The following KIAA1549 variants were observed in gnomAD, a reference collection of about 807,000 sequenced individuals.
KIAA1549 encodes the protein UPF0606 protein KIAA1549.
KIAA1549 carries 70 observed loss-of-function variants against 156.4 expected under a neutral mutation model. That is an observed-to-expected ratio of 0.45 (90% CI 0.37 to 0.55). The LOEUF (loss-of-function observed/expected upper bound fraction) is 0.55. Among genes scored for constraint, KIAA1549 ranks in the 20% least tolerant of loss-of-function variants. The probability of loss-of-function intolerance (pLI) is 0.00; values close to 1 mark genes in which losing one functional copy is unlikely to be tolerated. For synonymous variants in KIAA1549, 1,103 were observed against 1,066.4 expected (o/e 1.03, Z -0.67); for missense variants, 2,428 against 2,540.9 (o/e 0.96, Z 0.96).
intron 1 of KIAA1549, among the ~76,000 whole-genome samples, chr7:138,929,761 C>G (rs538992686): frequency 6.6e-6 from 1 of 152,304 alleles, no homozygotes; most frequent in South Asian, 2.1e-4. Flanking sequence ...ACAATTATAG[C>G]TCACAGCACC....
chr7:138,857,503 T>C (rs1210564705), intron 16 of KIAA1549, among the ~76,000 whole-genome samples: 1 of 152,232 alleles, frequency 6.6e-6, no homozygotes, highest in Non-Finnish European at 1.5e-5. Context: ...TGTTTAACTT[T>C]TTAAAGAGAC....
intron 1 of KIAA1549, among the ~76,000 whole-genome samples, chr7:138,929,726 A>G (rs1340939782): frequency 3.9e-5 from 6 of 152,028 alleles, no homozygotes; most frequent in Non-Finnish European, 5.9e-5. Flanking sequence ...GCCTTGCTCT[A>G]TTTCCCAAGC....
chr7:138,906,111 G>A (rs1372571600), intron 6 of KIAA1549, among the ~76,000 whole-genome samples: 1 of 152,118 alleles, frequency 6.6e-6, no homozygotes, highest in African/African-American at 2.4e-5. Context: ...GGGTGAGCAG[G>A]GCTCTGCAGA....
Position 138,951,910 on chromosome 7 carries a change from T to G in KIAA1549, c.187+29173A>C, listed in dbSNP as rs558111558. 1.4e-4 allele frequency among the ~76,000 whole-genome samples: 21 copies of G among 152,338 alleles called. No homozygotes were observed. The East Asian group carries it at 4.0e-3, about 29-fold the overall frequency. On this transcript the variant is annotated intron_variant, in intron 1 of 19. Coordinates refer to ENST00000422774, the MANE Select transcript of KIAA1549 (RefSeq NM_001164665.2). ...AACTGCTTGGTTTTAACAAATAGTC[T>G]GGCTCCAGTGCGTTAACTAAAGAAA...
chr7:138,942,384 C>T (rs966641667), intron 1 of KIAA1549, among the ~76,000 whole-genome samples: 15 of 151,244 alleles, frequency 9.9e-5, no homozygotes, highest in African/African-American at 3.6e-4. Flanking sequence ...TGTAAAAGAG[C>T]AATACGGTGA....
intron 1 of KIAA1549, among the ~76,000 whole-genome samples, chr7:138,955,595 T>C (rs1813639879): frequency 6.6e-6 from 1 of 152,100 alleles, no homozygotes; most frequent in African/African-American, 2.4e-5. Context: ...GGCATGAAAA[T>C]GTTTACAATA....
At chr7:138,881,630 A>T (rs1406480924) in intron 10 of KIAA1549, 46 bp from the exon 11 acceptor site, 25 of 1,540,282 alleles carry the variant, frequency 1.6e-5, no homozygotes, top group Non-Finnish European at 2.2e-5. Flanking sequence ...CCGGAATCCA[A>T]GGCTGATGAG....
At chr7:138,880,572 C>G (rs1232210014) in intron 11 of KIAA1549, among the ~76,000 whole-genome samples, 1 of 151,914 alleles carries the variant, frequency 6.6e-6, no homozygotes. Flanking sequence ...CTTTTTTTTG[C>G]TCTTAGCAGG....
intron 1 of KIAA1549, among the ~76,000 whole-genome samples, chr7:138,928,333 C>T (rs916945583): frequency 5.9e-5 from 9 of 152,048 alleles, no homozygotes; most frequent in African/African-American, 2.2e-4. Flanking sequence ...GTTGCCCAGG[C>T]TGGAGTGCAG....
chr7:138,883,399 G>C (rs1357852275), intron 10 of KIAA1549, among the ~76,000 whole-genome samples: 3 of 148,288 alleles, frequency 2.0e-5, no homozygotes, highest in Non-Finnish European at 4.4e-5. Context: ...CACAACCTCT[G>C]CCTCCCGGGT....
At chr7:138,892,030 T>C (rs906334323) in intron 10 of KIAA1549, among the ~76,000 whole-genome samples, 1 of 152,216 alleles carries the variant, frequency 6.6e-6, no homozygotes, top group Non-Finnish European at 1.5e-5. Context: ...GGCTTTGCCC[T>C]CCTAACAGTG....
At chr7:138,943,544 A>C (rs1813246191) in intron 1 of KIAA1549, among the ~76,000 whole-genome samples, 1 of 152,242 alleles carries the variant, frequency 6.6e-6, no homozygotes, top group Non-Finnish European at 1.5e-5. Flanking sequence ...GGCTAAATCA[A>C]GCTAATTAAC....
At chr7:138,922,950 G>A (rs778484539) in intron 1 of KIAA1549, among the ~76,000 whole-genome samples, 9 of 151,646 alleles carry the variant, frequency 5.9e-5, no homozygotes, top group Non-Finnish European at 1.2e-4. Context: ...TCCCAAGGAG[G>A]GTGAATTAAA....
chr7:138,882,470 G>A (rs1020225278), intron 10 of KIAA1549, among the ~76,000 whole-genome samples: 4 of 152,224 alleles, frequency 2.6e-5, no homozygotes, highest in African/African-American at 9.6e-5. Context: ...CCCAAAGGAT[G>A]TCAGCTTGGT....
chr7:138,838,527 G>A (rs148970749), intron 19 of KIAA1549, among the ~76,000 whole-genome samples: 162 of 152,312 alleles, frequency 1.1e-3, no homozygotes, highest in African/African-American at 3.7e-3. Flanking sequence ...CTGCGTGAGT[G>A]TGTGTCTACT....
At chr7:138,878,695 G>A (rs1050749648) in intron 12 of KIAA1549, among the ~76,000 whole-genome samples, 2 of 151,846 alleles carry the variant, frequency 1.3e-5, no homozygotes, top group East Asian at 1.9e-4. Flanking sequence ...CTGAGAGGTC[G>A]AGGCTGCAGT....
At chr7:138,852,135 C>A in intron 17 of KIAA1549, 88 bp downstream of exon 17, 1 of 822,284 alleles carries the variant, frequency 1.2e-6, no homozygotes, top group South Asian at 1.6e-5. Context: ...TACATCTGCT[C>A]ATATTAGCTA....
chr7:138,970,190 C>T (rs1814177676), intron 1 of KIAA1549, among the ~76,000 whole-genome samples: 2 of 152,202 alleles, frequency 1.3e-5, no homozygotes, highest in Admixed American at 1.3e-4. Context: ...TTTATTCATT[C>T]ATCTGTCCAC....
In KIAA1549 at chr7:138,871,367, A is replaced by T; in HGVS notation, c.4346-5T>A. The stretch of plus-strand genomic sequence containing the variant: ...CCGAACTGGGCAGTGGTGGCCCTGG[A>T]ACAGAAGGAAAAGCAAAACACATAC... On this transcript the variant is annotated splice_polypyrimidine_tract_variant and splice_region_variant and intron_variant, in intron 12 of 19. Transcript: ENST00000422774. 6.6e-7 allele frequency: 1 copy of T among 1,509,248 alleles called. No homozygotes were observed. Among genetic ancestry groups the T allele is most frequent in the Non-Finnish European group, 8.8e-7 (1 of 1,130,828 alleles). The allele number at this position is 1,509,248 out of a possible 1,614,324, so 93.5% of individuals were successfully genotyped here. A position where few individuals can be genotyped will look rare whatever the true frequency, so the allele number is the denominator to read the frequency against.
Sources: gnomAD v4.1 joint callset for allele counts (sites outside exome capture counted in the v4.1 genomes callset) on GRCh38, gnomAD v4.1.1 for gene constraint, MANE v1.5 for transcripts, NCBI Gene and HGNC (gene_info 2026-07-23, HGNC 2026-07-21) for gene names.